HMCN1: variants seen among roughly 807,000 people sequenced by gnomAD.
HMCN1 encodes hemicentin-1.
Under a neutral mutation model 625.9 loss-of-function variants are expected in HMCN1, and 321 were observed. The ratio of observed to expected loss-of-function variants is 0.51; its 90% CI spans 0.47 to 0.56. HMCN1 has a LOEUF of 0.56. Ranked by LOEUF, HMCN1 falls within the 20% of genes least tolerant of loss-of-function variation. The pLI, the probability that HMCN1 is intolerant of heterozygous loss-of-function variation, is 0.00. For synonymous variants in HMCN1, 2,425 were observed against 2,417.6 expected, an observed-to-expected ratio of 1.00 and a Z score of -0.09; for missense variants, 6,588 against 6,887.3, an observed-to-expected ratio of 0.96 and a Z score of 1.54.
intron 93 of HMCN1, among the ~76,000 whole-genome samples, chr1:186,147,908 G>A (rs1238882548): frequency 1.3e-5 from 2 of 152,164 alleles, no homozygotes; most frequent in East Asian, 1.9e-4. Context: ...GGTTAGGGTG[G>A]CTGTGGCAAT....
chr1:185,859,461 A>G (rs1662728709), intron 2 of HMCN1, among the ~76,000 whole-genome samples: 1 of 152,158 alleles, frequency 6.6e-6, no homozygotes, highest in African/African-American at 2.4e-5. Flanking sequence ...GAATATATCC[A>G]AAATATTTTG....
chr1:186,066,377 A>G (rs1658114243), intron 49 of HMCN1, among the ~76,000 whole-genome samples: 1 of 152,166 alleles, frequency 6.6e-6, no homozygotes, highest in Non-Finnish European at 1.5e-5. Context: ...AGTAGAGGCT[A>G]TTTAAGTGCA....
At chr1:186,078,022 C>T (rs1187620282) in intron 54 of HMCN1, 85 bp from the exon 55 acceptor site, 3 of 961,542 alleles carry the variant, frequency 3.1e-6, no homozygotes, top group Non-Finnish European at 5.0e-6. Context: ...GTAAGGCAGT[C>T]ATTAGACCTG....
intron 20 of HMCN1, among the ~76,000 whole-genome samples, chr1:185,988,024 C>T (rs1326098779): frequency 1.3e-5 from 2 of 152,172 alleles, no homozygotes; most frequent in South Asian, 2.1e-4. Flanking sequence ...GAAAAGTTCC[C>T]GGCACACAGG....
chr1:186,084,192 A>G (rs1659339323), intron 57 of HMCN1, among the ~76,000 whole-genome samples: 1 of 152,140 alleles, frequency 6.6e-6, no homozygotes, highest in Non-Finnish European at 1.5e-5. Context: ...TAAGTGCTCT[A>G]GACAGATGGC....
At chr1:185,909,296 T>C (rs755237540) in intron 4 of HMCN1, 41 bp from the exon 5 acceptor site, 8 of 1,518,724 alleles carry the variant, frequency 5.3e-6, no homozygotes, top group Non-Finnish European at 7.3e-6. Flanking sequence ...AAACTGCGAA[T>C]GTTTTCTGAT....
At chr1:186,112,700 C>A in intron 71 of HMCN1, 112 bp from the exon 72 acceptor site, 1 of 1,297,204 alleles carries the variant, frequency 7.7e-7, no homozygotes, top group Non-Finnish European at 1.1e-6. Context: ...ACAAAGCATG[C>A]TGACAGACAG....
rs767748066 is a variant in HMCN1 at position 186,016,276 on chromosome 1, A to G, written c.5191+37A>G. 1.9e-6 allele frequency: 3 copies of G among 1,587,172 alleles called. No individual in the cohort carries two copies. In the South Asian group the frequency reaches 3.3e-5, roughly 18 times the overall value. ...TGCCACTGCCTGGGTTCTCAGATTC[A>G]TAGCAAAACCTGATTAGTTTGTTAA... On this transcript the variant is annotated intron_variant, in intron 32 of 106. Coordinates refer to ENST00000271588, the MANE Select transcript of HMCN1 (RefSeq NM_031935.3).
At chr1:186,124,680 CAGTT>C (rs938862855) in intron 81 of HMCN1, among the ~76,000 whole-genome samples, 2 of 151,864 alleles carry the variant, frequency 1.3e-5, no homozygotes, top group African/African-American at 4.8e-5. Context: ...TAATCGAAAA[CAGTT>C]AATTTAACTG....
At chr1:185,800,557 G>A (rs1299816057) in intron 1 of HMCN1, among the ~76,000 whole-genome samples, 5 of 151,880 alleles carry the variant, frequency 3.3e-5, no homozygotes, top group African/African-American at 1.2e-4. Context: ...TTGAAGATTA[G>A]TGATAAGCAC....
At chr1:185,932,962 C>G (rs1359506867) in intron 10 of HMCN1, among the ~76,000 whole-genome samples, 1 of 152,132 alleles carries the variant, frequency 6.6e-6, no homozygotes, top group African/African-American at 2.4e-5. Flanking sequence ...TCACTCAATG[C>G]CTTTTGTGTA....
chr1:186,098,010 T>C lies in HMCN1; in HGVS notation c.10573+2489T>C, dbSNP rs187593369. 1.3e-4 allele frequency among the ~76,000 whole-genome samples: 20 copies of C among 152,236 alleles called. No individual in the cohort carries two copies. The East Asian group carries it at 3.7e-3, about 28-fold the overall frequency. On this transcript the variant is annotated intron_variant, in intron 68 of 106. Coordinates refer to ENST00000271588, the MANE Select transcript of HMCN1 (RefSeq NM_031935.3). ...ATTGGGATGTCCACATGCAGAAATA[T>C]GAAACTAGACCTCTATCTTTCACTG...
intron 22 of HMCN1, among the ~76,000 whole-genome samples, 200 bp downstream of exon 22, chr1:185,990,643 A>G (rs893511570): frequency 5.9e-5 from 9 of 152,218 alleles, no homozygotes; most frequent in African/African-American, 2.2e-4. Flanking sequence ...AAATGCTAAC[A>G]TTCAGCTTTG....
At chr1:185,854,268 G>A (rs567769927) in intron 2 of HMCN1, among the ~76,000 whole-genome samples, 3 of 152,158 alleles carry the variant, frequency 2.0e-5, no homozygotes, top group East Asian at 3.9e-4. Context: ...TTAGTTCTCC[G>A]AAAGCATCTT....
chr1:185,734,753 G>T lies in HMCN1; in HGVS notation c.-27G>T. On this transcript the variant is annotated 5_prime_UTR_variant, in exon 1 of 107. Coordinates refer to ENST00000271588, the MANE Select transcript of HMCN1 (RefSeq NM_031935.3). Reference sequence around the variant, plus strand: ...TGAGCACAGTGCTTAGGCGCTGAGGGGGAAAAAGAGGGGGAAAAAAAAGAA... The same window carrying T: ...TGAGCACAGTGCTTAGGCGCTGAGGTGGAAAAAGAGGGGGAAAAAAAAGAA... 6.2e-7 allele frequency: 1 copy of T among 1,612,998 alleles called. No homozygotes were observed.
At chr1:186,091,570 C>T (rs1272436971) in intron 64 of HMCN1, among the ~76,000 whole-genome samples, 1 of 151,956 alleles carries the variant, frequency 6.6e-6, no homozygotes, top group Non-Finnish European at 1.5e-5. Context: ...TCAGCTGGCA[C>T]TTGCTACCCA....
chr1:186,062,426 A>G, intron 47 of HMCN1, 88 bp from the exon 48 acceptor site: 1 of 787,760 alleles, frequency 1.3e-6, no homozygotes, highest in Non-Finnish European at 2.2e-6. Context: ...TTTGAAGGTT[A>G]TAGCTTAATA....
At chr1:185,779,614 C>A (rs1281955598) in intron 1 of HMCN1, among the ~76,000 whole-genome samples, 1 of 152,184 alleles carries the variant, frequency 6.6e-6, no homozygotes, top group East Asian at 1.9e-4. Flanking sequence ...ATCCTTTTCC[C>A]ATTTCTTGTT....
intron 1 of HMCN1, among the ~76,000 whole-genome samples, chr1:185,757,117 G>A (rs932982762): frequency 6.6e-6 from 1 of 152,152 alleles, no homozygotes; most frequent in African/African-American, 2.4e-5. Context: ...TGGGATTACA[G>A]GCGCCTGCCA....
Sources: gnomAD v4.1 joint callset for allele counts (sites outside exome capture counted in the v4.1 genomes callset) on GRCh38, gnomAD v4.1.1 for gene constraint, MANE v1.5 for transcripts, NCBI Gene and HGNC (gene_info 2026-07-23, HGNC 2026-07-21) for gene names.